The following AFF3 variants were observed in gnomAD, a reference collection of about 807,000 sequenced individuals.
AFF3 encodes AF4/FMR2 family member 3.
Under a neutral mutation model 129.7 loss-of-function variants are expected in AFF3, and 32 were observed. The ratio of observed to expected loss-of-function variants is 0.25; its 90% CI spans 0.19 to 0.33. The LOEUF (loss-of-function observed/expected upper bound fraction) is 0.33. Ranked by LOEUF, AFF3 falls within the 10% of genes least tolerant of loss-of-function variation. The pLI, the probability that AFF3 is intolerant of heterozygous loss-of-function variation, is 1.00. For synonymous variants in AFF3, 644 were observed against 635.4 expected (o/e 1.01, Z -0.20); for missense variants, 1,373 against 1,592.0 (o/e 0.86, Z 2.34).
intron 6 of AFF3, 41 bp from the exon 7 acceptor site, chr2:100,007,058 G>A (rs533229268): frequency 1.9e-6 from 3 of 1,589,304 alleles, no homozygotes; most frequent in Non-Finnish European, 2.6e-6. Flanking sequence ...AGGATGAGGG[G>A]GGTCGACACA....
intron 9 of AFF3, among the ~76,000 whole-genome samples, chr2:99,750,609 G>A (rs1681564228): frequency 6.6e-6 from 1 of 151,818 alleles, no homozygotes; most frequent in African/African-American, 2.4e-5. Flanking sequence ...TTGAGATGGT[G>A]TCTCACTATG....
intron 13 of AFF3, among the ~76,000 whole-genome samples, chr2:99,615,564 T>C (rs1301991508): frequency 6.6e-6 from 1 of 152,154 alleles, no homozygotes; most frequent in African/African-American, 2.4e-5. Context: ...GGCCCAGCCA[T>C]GAGAAAGCTG....
At chr2:99,759,716 T>C (rs1682422503) in intron 8 of AFF3, among the ~76,000 whole-genome samples, 1 of 152,268 alleles carries the variant, frequency 6.6e-6, no homozygotes, top group Non-Finnish European at 1.5e-5. Context: ...ATTTATAATG[T>C]AATGCAAATA....
chr2:99,831,726 T>C (rs1376071033), intron 8 of AFF3, among the ~76,000 whole-genome samples: 4 of 152,214 alleles, frequency 2.6e-5, no homozygotes, highest in Non-Finnish European at 5.9e-5. Context: ...ACTATAAAGA[T>C]GTTATGAAAA....
chr2:99,622,176 G>A (rs1682084924), intron 13 of AFF3, among the ~76,000 whole-genome samples: 1 of 152,162 alleles, frequency 6.6e-6, no homozygotes, highest in African/African-American at 2.4e-5. Context: ...TGGAGTGGAG[G>A]GAAAATGAGT....
intron 7 of AFF3, among the ~76,000 whole-genome samples, chr2:99,844,088 TC>T (rs1430330716): frequency 1.5e-4 from 23 of 152,006 alleles, no homozygotes; most frequent in African/African-American, 4.8e-5. Context: ...ATAAAAAACT[TC>T]TGCGTTTTAC....
intron 11 of AFF3, chr2:99,707,047 T>A (rs920277885): frequency 2.1e-6 from 2 of 959,634 alleles, no homozygotes; most frequent in South Asian, 9.6e-5. Flanking sequence ...CCCCAGAATG[T>A]AATCATCCTA....
chr2:100,006,601 T>C (rs779265264), intron 7 of AFF3, 31 bp downstream of exon 7: 37 of 1,568,678 alleles, frequency 2.4e-5, no homozygotes, highest in African/African-American at 8.1e-5. Flanking sequence ...AACTATGCAG[T>C]TGCATGTGAA....
rs75166183 is a variant in AFF3 at position 99,641,124 on chromosome 2, G to A, written c.1184+8502C>T. Among the ~76,000 whole-genome samples the A allele has an allele frequency of 6.0e-4, 92 of 152,224 alleles. 1 individual carries two copies. In the East Asian group the frequency reaches 0.016, roughly 27 times the overall value. ...TCCCTTCTCCACTCCTGGGTCACCC[G>A]ATGCTTCCTGTCCTCCACATGACAC... On this transcript the variant is annotated intron_variant, in intron 13 of 24. Coordinates refer to ENST00000672756, the MANE Select transcript of AFF3 (RefSeq NM_001386135.1).
intron 10 of AFF3, 36 bp downstream of exon 10, chr2:99,744,068 T>G (rs764846603): frequency 6.6e-6 from 10 of 1,516,668 alleles, no homozygotes; most frequent in African/African-American, 1.4e-5. Flanking sequence ...CACCCCCTGC[T>G]CCCCAGATGA....
intron 7 of AFF3, among the ~76,000 whole-genome samples, chr2:99,930,215 C>T (rs1696574342): frequency 6.6e-6 from 1 of 152,152 alleles, no homozygotes. Flanking sequence ...ACTTCCTTTC[C>T]TAAGGATTGC....
At chr2:99,603,959 T>G (rs1187282097) in intron 13 of AFF3, among the ~76,000 whole-genome samples, 1 of 151,988 alleles carries the variant, frequency 6.6e-6, no homozygotes, top group Non-Finnish European at 1.5e-5. Context: ...GGCTATTACG[T>G]AAAAATCCAA....
intron 13 of AFF3, among the ~76,000 whole-genome samples, chr2:99,615,967 G>A (rs1681384388): frequency 6.6e-6 from 1 of 152,134 alleles, no homozygotes; most frequent in Non-Finnish European, 1.5e-5. Context: ...GGAGATTCTG[G>A]GCTACCAGAA....
intron 11 of AFF3, among the ~76,000 whole-genome samples, chr2:99,689,537 A>C (rs1675391638): frequency 1.3e-5 from 2 of 151,346 alleles, no homozygotes; most frequent in Non-Finnish European, 2.9e-5. Flanking sequence ...CACTGGAATG[A>C]TTAGTCTTCA....
rs543893289 is a variant in AFF3 at position 99,565,208 on chromosome 2, A to G, written c.3119+279T>C. Among the ~76,000 whole-genome samples, 20 of 151,386 alleles carry G rather than the reference A, an allele frequency of 1.3e-4. No individual in the cohort carries two copies. In the South Asian group the frequency reaches 3.3e-3, roughly 25 times the overall value. On this transcript the variant is annotated intron_variant, in intron 20 of 24. Transcript: ENST00000672756. ...GGCTGAAATAGGCTCAAAATCTGCC[A>G]CTTCCTAGCTGAGAGGAGCAGGCAT...
chr2:99,773,226 A>G (rs991793554), intron 8 of AFF3, among the ~76,000 whole-genome samples: 6 of 152,194 alleles, frequency 3.9e-5, no homozygotes, highest in African/African-American at 1.4e-4. Context: ...ACCACAGCTA[A>G]GTTTCTGAGG....
chr2:99,586,185 G>A (rs1351647256), intron 16 of AFF3, among the ~76,000 whole-genome samples: 1 of 152,182 alleles, frequency 6.6e-6, no homozygotes, highest in Non-Finnish European at 1.5e-5. Context: ...AATATTTGGG[G>A]ACTACATTTT....
intron 4 of AFF3, among the ~76,000 whole-genome samples, chr2:100,045,044 C>G (rs1362049745): frequency 6.6e-6 from 1 of 152,084 alleles, no homozygotes; most frequent in East Asian, 1.9e-4. Context: ...CCAACAGAGG[C>G]TCCAAAGCAC....
intron 2 of AFF3, among the ~76,000 whole-genome samples, chr2:100,120,907 G>A (rs549551973): frequency 6.6e-6 from 1 of 152,278 alleles, no homozygotes; most frequent in East Asian, 1.9e-4. Flanking sequence ...ATGAGTAGCT[G>A]GGATTATAGG....
Sources: gnomAD v4.1 joint callset for allele counts (sites outside exome capture counted in the v4.1 genomes callset) on GRCh38, gnomAD v4.1.1 for gene constraint, MANE v1.5 for transcripts, NCBI Gene and HGNC (gene_info 2026-07-23, HGNC 2026-07-21) for gene names.